The following LSM14A variants were observed in gnomAD, a reference collection of about 807,000 sequenced individuals.
LSM14A encodes protein LSM14 homolog A.
Under a neutral mutation model 52.4 loss-of-function variants are expected in LSM14A, and 14 were observed. That is an observed-to-expected ratio of 0.27 (90% CI 0.18 to 0.42). The LOEUF (loss-of-function observed/expected upper bound fraction) is 0.42, where lower values mean the gene tolerates loss of function less well. Among genes scored for constraint, LSM14A ranks in the 10% least tolerant of loss-of-function variants. The pLI is 1.00. For missense variants in LSM14A, 417 were observed against 581.8 expected, an observed-to-expected ratio of 0.72 and a Z score of 2.91; for synonymous variants, 185 against 200.3, an observed-to-expected ratio of 0.92 and a Z score of 0.64.
intron 9 of LSM14A, among the ~76,000 whole-genome samples, chr19:34,225,415 A>C (rs2073290239): frequency 6.6e-6 from 1 of 152,212 alleles, no homozygotes; most frequent in African/African-American, 2.4e-5. Context: ...CTGAAGATTA[A>C]ACTTGTATCT....
Position 34,221,490 on chromosome 19 carries a change from A to G in LSM14A, c.1137-17A>G. ...TTTTAAACCTGATATGCTGAAGATTATTTGCTTTTATAATAGAGAACGGAG... is the reference window on the plus strand; with the variant it reads ...TTTTAAACCTGATATGCTGAAGATTGTTTGCTTTTATAATAGAGAACGGAG... On this transcript the variant is annotated splice_polypyrimidine_tract_variant and intron_variant, in intron 8 of 9. Transcript: ENST00000544216. 6.2e-7 allele frequency: 1 copy of G among 1,607,690 alleles called. No homozygotes were observed.
rs1201799222 is a variant in LSM14A, at chr19:34,172,539, G to C, written c.-104G>C. The stretch of plus-strand genomic sequence containing the variant: ...GCGCCGCCGCCATGTTGGGTCTGAA[G>C]CGGCTGCTGTAGGCGCCGACGGAGC... On this transcript the variant is annotated 5_prime_UTR_variant, in exon 1 of 10. Coordinates refer to ENST00000544216, the MANE Select transcript of LSM14A (RefSeq NM_015578.4). 9 of 1,319,886 alleles carry C rather than the reference G, an allele frequency of 6.8e-6. No individual in the cohort carries two copies. The African/African-American group carries it at 9.4e-5, about 14-fold the overall frequency. 81.8% of individuals were successfully genotyped at this position (1,319,886 alleles called of 1,614,324 possible). A position where few individuals can be genotyped will look rare whatever the true frequency, so the allele number is the denominator to read the frequency against.
At chr19:34,213,098 C>G (rs1599709815) in intron 4 of LSM14A, among the ~76,000 whole-genome samples, 1 of 151,956 alleles carries the variant, frequency 6.6e-6, no homozygotes, top group East Asian at 1.9e-4. Context: ...TTGCAGCGAG[C>G]TGTGATTGCG....
chr19:34,199,337 T>C (rs1404834830), intron 3 of LSM14A, among the ~76,000 whole-genome samples: 1 of 152,086 alleles, frequency 6.6e-6, no homozygotes, highest in Non-Finnish European at 1.5e-5. Flanking sequence ...CCCCATATTT[T>C]CCAGGCTGGT....
In LSM14A at chr19:34,175,746, CTTG is replaced by C. The variant is rs1376180599; in HGVS notation, c.121+2987_121+2989del. ...TCTTAAAATTTTAAAATTTACATGA[CTTG>C]TTGAGTAATTCGATATCAGAAAATT... is the stretch of plus-strand genomic sequence containing the variant. On this transcript the variant is annotated intron_variant, in intron 1 of 9. Coordinates refer to ENST00000544216, the MANE Select transcript of LSM14A (RefSeq NM_015578.4). Among the ~76,000 whole-genome samples, 3 of 152,238 alleles carry C rather than the reference CTTG, an allele frequency of 2.0e-5. No homozygotes were observed. The South Asian group carries it at 6.2e-4, about 32-fold the overall frequency.
At chr19:34,175,638 T>C (rs1278957248) in intron 1 of LSM14A, among the ~76,000 whole-genome samples, 1 of 152,230 alleles carries the variant, frequency 6.6e-6, no homozygotes, top group Non-Finnish European at 1.5e-5. Flanking sequence ...CTACATGATA[T>C]TATCTAATCG....
intron 3 of LSM14A, among the ~76,000 whole-genome samples, chr19:34,207,401 C>A (rs1314262123): frequency 6.6e-6 from 1 of 152,112 alleles, no homozygotes; most frequent in Non-Finnish European, 1.5e-5. Context: ...CCCCACATTA[C>A]CGGGATATTG....
At position 34,191,479 on chromosome 19, in the gene LSM14A, C is replaced by T. The variant is rs374215610; in HGVS notation, c.122-2999C>T. Among the ~76,000 whole-genome samples, 45 of 152,066 alleles carry T rather than the reference C, an allele frequency of 3.0e-4. No individual in the cohort carries two copies. In the South Asian group the frequency reaches 7.3e-3, roughly 25 times the overall value. On this transcript the variant is annotated intron_variant, in intron 1 of 9. Coordinates refer to ENST00000544216, the MANE Select transcript of LSM14A (RefSeq NM_015578.4). ...TGCCTTTTTTCTTTATTTTGATACA[C>T]CTTTTTCTTTCCTTCCATCATTGCC...
At chr19:34,206,411 G>A (rs1203079294) in intron 3 of LSM14A, among the ~76,000 whole-genome samples, 1 of 151,720 alleles carries the variant, frequency 6.6e-6, no homozygotes, top group African/African-American at 2.4e-5. Context: ...GCTCAAACCT[G>A]TAATCCCAGC....
At chr19:34,193,030 A>T (rs1432165111) in intron 1 of LSM14A, among the ~76,000 whole-genome samples, 2 of 152,032 alleles carry the variant, frequency 1.3e-5, no homozygotes, top group African/African-American at 4.8e-5. Context: ...CCTTTAGGGT[A>T]CTCTTTAAAT....
At position 34,228,136 on chromosome 19, in the gene LSM14A, G is replaced by C. The variant is rs1204903356; in HGVS notation, c.*748G>C. ...GCAGAAGTTGATGTGCTGAGCAGCA[G>C]CCTTATGGGTGGGTCTTTTTTTCTT... On this transcript the variant is annotated 3_prime_UTR_variant, in exon 10 of 10. Transcript: ENST00000544216. The C allele has an allele frequency of 6.6e-6, 1 of 152,572 alleles. No individual in the cohort carries two copies. Among genetic ancestry groups the C allele is most frequent in the Non-Finnish European group, 1.5e-5 (1 of 68,026 alleles). 9.5% of individuals were successfully genotyped at this position (152,572 alleles called of 1,614,324 possible). A position where few individuals can be genotyped will look rare whatever the true frequency, so the allele number is the denominator to read the frequency against.
At chr19:34,210,414 C>A (rs1309924268) in intron 4 of LSM14A, among the ~76,000 whole-genome samples, 1 of 151,992 alleles carries the variant, frequency 6.6e-6, no homozygotes, top group East Asian at 1.9e-4. Flanking sequence ...GGATTACAGG[C>A]ACGTGCCACC....
chr19:34,203,883 CAG>C (rs1472845041), intron 3 of LSM14A, among the ~76,000 whole-genome samples: 2 of 142,282 alleles, frequency 1.4e-5, no homozygotes, highest in South Asian at 2.2e-4. Flanking sequence ...AGTTAAAAGG[CAG>C]AGAGTGTCAG....
chr19:34,195,842 G>A (rs536070454), intron 2 of LSM14A, among the ~76,000 whole-genome samples: 11 of 152,346 alleles, frequency 7.2e-5, no homozygotes, highest in African/African-American at 2.6e-4. Context: ...AACTAAGAGA[G>A]CGCATATGAA....
intron 3 of LSM14A, among the ~76,000 whole-genome samples, chr19:34,198,786 A>G (rs1436855533): frequency 2.0e-5 from 3 of 151,914 alleles, no homozygotes; most frequent in Non-Finnish European, 4.4e-5. Context: ...GGAGATCGAG[A>G]CCATCCTGGC....
chr19:34,217,548 A>G (rs904841461), intron 6 of LSM14A, among the ~76,000 whole-genome samples: 1 of 143,422 alleles, frequency 7.0e-6, no homozygotes, highest in Non-Finnish European at 1.5e-5. Flanking sequence ...TCTAGATATG[A>G]TATTTTTAGA....
intron 3 of LSM14A, among the ~76,000 whole-genome samples, chr19:34,202,847 C>T (rs2071401720): frequency 6.6e-6 from 1 of 151,958 alleles, no homozygotes; most frequent in South Asian, 2.1e-4. Context: ...TTAGTAGAGA[C>T]GGGGTTTCAC....
At chr19:34,215,438 A>G (rs916752726) in intron 5 of LSM14A, 138 bp downstream of exon 5, 93 of 1,153,784 alleles carry the variant, frequency 8.1e-5, no homozygotes, top group Middle Eastern at 2.0e-4. Flanking sequence ...TGGTCTTTCA[A>G]ATTTGACTCA....
chr19:34,217,392 TAAAATCATTC>T (rs1357389396), intron 6 of LSM14A, among the ~76,000 whole-genome samples: 1 of 151,720 alleles, frequency 6.6e-6, no homozygotes, highest in African/African-American at 2.4e-5. Flanking sequence ...TATAACATTC[TAAAATCATTC>T]ATTTTATTAA....
Sources: allele counts gnomAD v4.1 joint callset (sites outside exome capture counted in the v4.1 genomes callset), GRCh38; gene constraint gnomAD v4.1.1; transcripts MANE v1.5; gene names NCBI Gene and HGNC (gene_info 2026-07-23, HGNC 2026-07-21).